MEGF11: variants seen among roughly 807,000 people sequenced by gnomAD.
MEGF11 encodes multiple EGF like domains 11.
In MEGF11, 126 loss-of-function variants were observed where a neutral mutation model predicts 146.6. The observed-to-expected ratio is 0.86, with a 90% CI of 0.74 to 1.00. The LOEUF (loss-of-function observed/expected upper bound fraction) is 1.00, where lower values mean the gene tolerates loss of function less well. MEGF11 is among the 50% of genes least tolerant of loss of function. The pLI, the probability that MEGF11 is intolerant of heterozygous loss-of-function variation, is 0.00. For missense variants in MEGF11, 1,509 were observed against 1,521.2 expected, an observed-to-expected ratio of 0.99 and a Z score of 0.13; for synonymous variants, 532 against 583.4, an observed-to-expected ratio of 0.91 and a Z score of 1.27.
At chr15:66,199,688 C>T (rs2091101800) in intron 1 of MEGF11, among the ~76,000 whole-genome samples, 3 of 152,162 alleles carry the variant, frequency 2.0e-5, no homozygotes, top group Admixed American at 6.5e-5. Flanking sequence ...ACTCGGGAGG[C>T]TGAGGCAGGA....
At chr15:66,157,875 T>C (rs2089818732) in intron 1 of MEGF11, among the ~76,000 whole-genome samples, 1 of 152,026 alleles carries the variant, frequency 6.6e-6, no homozygotes, top group South Asian at 2.1e-4. Flanking sequence ...TGTTGCAAAG[T>C]ATTTTTTTTA....
intron 1 of MEGF11, among the ~76,000 whole-genome samples, chr15:66,211,401 G>A (rs1418425130): frequency 6.6e-5 from 10 of 151,944 alleles, no homozygotes; most frequent in Non-Finnish European, 1.2e-4. Context: ...GCAGGCACCT[G>A]TAGTCCCAGC....
intron 5 of MEGF11, among the ~76,000 whole-genome samples, chr15:66,052,327 C>CT (rs1336864303): frequency 6.6e-6 from 1 of 152,158 alleles, no homozygotes; most frequent in Non-Finnish European, 1.5e-5. Flanking sequence ...CCCAGCCGTC[C>CT]TTGTTACTTC....
rs766255062 is a variant in MEGF11, at chr15:65,909,729, C to G, written c.2896+11G>C. ...CATGATGGTGGGGACCAGACTCACA[C>G]CACTACTGACCTAACACGTTCACAT... On this transcript the variant is annotated intron_variant, in intron 22 of 25. Coordinates refer to ENST00000395614, the MANE Select transcript of MEGF11 (RefSeq NM_001385028.1). 2.6e-6 allele frequency: 4 copies of G among 1,566,986 alleles called. No individual in the cohort carries two copies. Among genetic ancestry groups the G allele is most frequent in the African/African-American group, 2.7e-5 (2 of 73,736 alleles).
At chr15:66,244,519 T>G (rs1387431308) in intron 1 of MEGF11, among the ~76,000 whole-genome samples, 1 of 152,060 alleles carries the variant, frequency 6.6e-6, no homozygotes, top group Non-Finnish European at 1.5e-5. Context: ...CAGGAAGATG[T>G]ATGCAATAGA....
chr15:66,128,326 G>C lies in MEGF11; in HGVS notation c.78C>G (p.Asn26Lys). ...CTTACCTCTCCCAGTGGCTGCACAC[G>C]TTGGGGTCCTCGGGGTTCAGGGCAA... ...ATLALNPEDP[N>K]VCSHWESYAV... The change falls in exon 2 of 26, where the codon AAC becomes AAG. Residue 26 changes from asparagine to lysine, a missense_variant. Coordinates refer to ENST00000395614, the MANE Select transcript of MEGF11 (RefSeq NM_001385028.1). 4 of 1,522,686 alleles carry C rather than the reference G, an allele frequency of 2.6e-6. No homozygotes were observed. The highest frequency in any genetic ancestry group is 3.5e-6 in the Non-Finnish European group (4 of 1,133,732). The allele number at this position is 1,522,686 out of a possible 1,614,324, so 94.3% of individuals were successfully genotyped here.
intron 7 of MEGF11, among the ~76,000 whole-genome samples, chr15:65,979,807 G>C (rs1166206164): frequency 6.6e-6 from 1 of 152,172 alleles, no homozygotes; most frequent in African/African-American, 2.4e-5. Context: ...AGCTGGGCAG[G>C]GCAGGGCTCA....
intron 5 of MEGF11, among the ~76,000 whole-genome samples, chr15:65,989,694 G>A (rs752210338): frequency 1.3e-5 from 2 of 152,238 alleles, no homozygotes; most frequent in Admixed American, 1.3e-4. Flanking sequence ...TTCTGAGGGA[G>A]CACTGAAGGA....
intron 1 of MEGF11, among the ~76,000 whole-genome samples, chr15:66,247,397 T>C (rs1412271603): frequency 1.3e-5 from 2 of 152,192 alleles, no homozygotes; most frequent in African/African-American, 4.8e-5. Flanking sequence ...ATCTTCCCAA[T>C]AGATCCCCAT....
intron 4 of MEGF11, among the ~76,000 whole-genome samples, chr15:66,107,689 AGACCAGG>A (rs993831411): frequency 1.3e-5 from 2 of 152,200 alleles, no homozygotes; most frequent in Non-Finnish European, 2.9e-5. Context: ...AGCAGCCCTC[AGACCAGG>A]GACCTGTCTG....
At chr15:66,110,933 C>T (rs150977467) in intron 4 of MEGF11, among the ~76,000 whole-genome samples, 2 of 152,256 alleles carry the variant, frequency 1.3e-5, no homozygotes, top group Non-Finnish European at 2.9e-5. Context: ...GCTTCAGTCC[C>T]CTCCTCCCCC....
At chr15:66,179,161 C>T (rs1181918317) in intron 1 of MEGF11, among the ~76,000 whole-genome samples, 1 of 152,150 alleles carries the variant, frequency 6.6e-6, no homozygotes, top group African/African-American at 2.4e-5. Context: ...GAGATGAAGT[C>T]TCTCTCTGTC....
At chr15:65,931,504 C>T (rs922191772) in intron 10 of MEGF11, among the ~76,000 whole-genome samples, 33 of 152,206 alleles carry the variant, frequency 2.2e-4, no homozygotes, top group African/African-American at 8.0e-4. Flanking sequence ...ACCTTCAGGA[C>T]TGTCAGATAA....
chr15:65,950,088 A>G (rs1231564494), intron 10 of MEGF11, among the ~76,000 whole-genome samples: 1 of 152,208 alleles, frequency 6.6e-6, no homozygotes, highest in Non-Finnish European at 1.5e-5. Flanking sequence ...AGGACCAGTC[A>G]TCCTCTTCAA....
intron 16 of MEGF11, 38 bp downstream of exon 16, chr15:65,917,928 A>G (rs2079053866): frequency 6.2e-7 from 1 of 1,612,518 alleles, no homozygotes; most frequent in Admixed American, 1.7e-5. Context: ...TTTGGGCCTG[A>G]CCCCAGGTAG....
intron 1 of MEGF11, among the ~76,000 whole-genome samples, chr15:66,171,094 C>T (rs1404667538): frequency 1.3e-5 from 2 of 152,232 alleles, no homozygotes; most frequent in African/African-American, 4.8e-5. Flanking sequence ...TTGTCTCAAG[C>T]TCTGCTTGAA....
rs73483431 is a variant in MEGF11 at position 66,062,384 on chromosome 15, G to A, written c.394+32018C>T. Among the ~76,000 whole-genome samples the A allele has an allele frequency of 1.2e-3, 186 of 152,358 alleles. 1 individual carries two copies. In the East Asian group the frequency reaches 0.018, roughly 15 times the overall value. The stretch of plus-strand genomic sequence containing the variant: ...TCCCTTACTAGCTAGAAGTTGCCAC[G>A]TTGTAAAAGGCCAGTGGAGATGGCC... On this transcript the variant is annotated intron_variant, in intron 5 of 25. Coordinates refer to ENST00000395614, the MANE Select transcript of MEGF11 (RefSeq NM_001385028.1).
rs138622035 is a variant in MEGF11, at chr15:66,074,007, T to C, written c.394+20395A>G. On this transcript the variant is annotated intron_variant, in intron 5 of 25. Coordinates refer to ENST00000395614, the MANE Select transcript of MEGF11 (RefSeq NM_001385028.1). ...TTAAATAAAATTAAAACAACCATAG[T>C]GTATCCATCAAACAGATCTTAACAT... Among the ~76,000 whole-genome samples the C allele has an allele frequency of 5.3e-3, 804 of 152,324 alleles. 1 individual carries two copies. The highest frequency in any genetic ancestry group is 8.8e-3 in the Non-Finnish European group (599 of 68,026).
intron 1 of MEGF11, among the ~76,000 whole-genome samples, chr15:66,196,796 T>TG (rs1432780997): frequency 6.6e-6 from 1 of 152,112 alleles, no homozygotes; most frequent in Non-Finnish European, 1.5e-5. Flanking sequence ...AGGGGGAATG[T>TG]GGGGGAATCC....
Sources: allele counts gnomAD v4.1 joint callset (sites outside exome capture counted in the v4.1 genomes callset), GRCh38; gene constraint gnomAD v4.1.1; transcripts MANE v1.5; gene names NCBI Gene and HGNC (gene_info 2026-07-23, HGNC 2026-07-21).